VIRMA: variants seen among roughly 807,000 people sequenced by gnomAD.
The protein encoded by VIRMA is protein virilizer homolog.
Under a neutral mutation model 182.4 loss-of-function variants are expected in VIRMA, and 65 were observed. The observed-to-expected ratio is 0.36, with a 90% CI of 0.29 to 0.44. The LOEUF (loss-of-function observed/expected upper bound fraction) is 0.44, where lower values mean the gene tolerates loss of function less well. Among genes scored for constraint, VIRMA ranks in the 20% least tolerant of loss-of-function variants. The probability of loss-of-function intolerance (pLI) is 1.00; values close to 1 mark genes in which losing one functional copy is unlikely to be tolerated. For synonymous variants in VIRMA, 709 were observed against 743.1 expected, an observed-to-expected ratio of 0.95 and a Z score of 0.75; for missense variants, 1,752 against 2,158.1, an observed-to-expected ratio of 0.81 and a Z score of 3.73.
At chr8:94,506,038 CAA>C (rs1188142228) in intron 16 of VIRMA, among the ~76,000 whole-genome samples, 1 of 152,084 alleles carries the variant, frequency 6.6e-6, no homozygotes, top group Non-Finnish European at 1.5e-5. Flanking sequence ...TTCAAGTATA[CAA>C]GAGAAATACT....
chr8:94,506,467 T>C, intron 16 of VIRMA, 33 bp downstream of exon 16: 1 of 1,383,868 alleles, frequency 7.2e-7, no homozygotes, highest in Non-Finnish European at 1.0e-6. Flanking sequence ...AAAAATTAAA[T>C]CTGAGAGTAT....
chr8:94,526,917 C>T lies in VIRMA; in HGVS notation c.1327G>A (p.Val443Ile). ...DWTMQALNLQ[V>I]ALRQPIALNV... is the part of the protein sequence containing the mutation. ...AAGGCGATAGGTTGGCGAAGCGCTA[C>T]TTGTAAATTTAAAGCTTGCATGGTC... The change falls in exon 8 of 24, where the codon GTA (valine) becomes ATA (isoleucine). Residue 443 changes from valine (V) to isoleucine (I), a missense_variant. Around this residue, in one of 11 missense-constraint regions of VIRMA, gnomAD observed 401 missense variants for 455.1 expected, o/e 0.88. Coordinates refer to ENST00000297591, the MANE Select transcript of VIRMA (RefSeq NM_015496.5). 6.2e-7 allele frequency: 1 copy of T among 1,614,198 alleles called. No individual in the cohort carries two copies. Among genetic ancestry groups the T allele is most frequent in the Non-Finnish European group, 8.5e-7 (1 of 1,180,016 alleles).
At chr8:94,550,583 C>T (rs945234418) in intron 1 of VIRMA, among the ~76,000 whole-genome samples, 2 of 152,172 alleles carry the variant, frequency 1.3e-5, no homozygotes. Context: ...TGAGCCACGG[C>T]GCCTGGCCTT....
chr8:94,552,632 T>C (rs1225212976), intron 1 of VIRMA, among the ~76,000 whole-genome samples: 2 of 152,142 alleles, frequency 1.3e-5, no homozygotes, highest in Admixed American at 1.3e-4. Context: ...CTTTCAGGAA[T>C]CTTTAGTTAA....
chr8:94,537,267 A>T (rs1247695710), intron 3 of VIRMA, 116 bp from the exon 4 acceptor site: 2 of 740,572 alleles, frequency 2.7e-6, no homozygotes, highest in Non-Finnish European at 2.3e-6. Context: ...TTTTGTTTTG[A>T]TTCAATAAAC....
At chr8:94,537,025 A>G (rs1815369078) in intron 4 of VIRMA, 78 bp downstream of exon 4, 2 of 955,546 alleles carry the variant, frequency 2.1e-6, no homozygotes, top group East Asian at 4.8e-5. Context: ...TGCAACACTG[A>G]TTTATGTGGA....
Position 94,492,713 on chromosome 8 carries a change from T to C in VIRMA, c.4747A>G (p.Thr1583Ala), listed in dbSNP as rs761638484. Residue 1583 changes from threonine to alanine, a missense_variant, in exon 21 of 24, where the codon ACC becomes GCC. This residue lies in a region of VIRMA where 777 missense variants were observed against 920.6 expected (regional missense o/e 0.84). Transcript: ENST00000297591. ...AGTTTGAATCCTTTAGTAGTCTTGG[T>C]TCTTCCTGGAGATGATGGTTCTGAC... ...FLSEPSSPGR[T>A]KTTKGFKLGK... 6.2e-7 allele frequency: 1 copy of C among 1,614,068 alleles called. No individual in the cohort carries two copies. The highest frequency in any genetic ancestry group is 1.1e-5 in the South Asian group (1 of 91,072).
At chr8:94,530,505 A>C (rs1261234602) in intron 6 of VIRMA, among the ~76,000 whole-genome samples, 1 of 151,922 alleles carries the variant, frequency 6.6e-6, no homozygotes, top group East Asian at 1.9e-4. Flanking sequence ...TCAAAAAAAA[A>C]AAAAAGAAAA....
At chr8:94,492,248 C>T (rs1813625295) in intron 21 of VIRMA, among the ~76,000 whole-genome samples, 1 of 150,742 alleles carries the variant, frequency 6.6e-6, no homozygotes, top group South Asian at 2.1e-4. Flanking sequence ...GATTCGAATG[C>T]TATGTTAATT....
intron 14 of VIRMA, 53 bp from the exon 15 acceptor site, chr8:94,509,993 G>C: frequency 6.8e-7 from 1 of 1,470,856 alleles, no homozygotes; most frequent in African/African-American, 1.4e-5. Context: ...TTAAGGCATT[G>C]TTTAACTAGT....
chr8:94,537,618 A>G (rs1302895948), intron 3 of VIRMA, among the ~76,000 whole-genome samples: 1 of 152,148 alleles, frequency 6.6e-6, no homozygotes, highest in East Asian at 1.9e-4. Context: ...TAAATAAGAG[A>G]GGGGTCAATA....
chr8:94,514,091 A>T (rs554675611), intron 11 of VIRMA, among the ~76,000 whole-genome samples: 8 of 151,746 alleles, frequency 5.3e-5, no homozygotes, highest in Non-Finnish European at 8.8e-5. Flanking sequence ...TCTCTCTCTC[A>T]CACACACACA....
In VIRMA at chr8:94,538,248, G is replaced by C. The variant is rs1181506904; in HGVS notation, c.266+12C>G. On this transcript the variant is annotated intron_variant, in intron 3 of 23. Coordinates refer to ENST00000297591, the MANE Select transcript of VIRMA (RefSeq NM_015496.5). ...CATGAGTTTCTGGTGAAATTACCTA[G>C]CAGGTACATACCTTCCCAACCTATC... is the stretch of plus-strand genomic sequence containing the variant. The C allele has an allele frequency of 6.4e-7, 1 of 1,567,806 alleles. No homozygotes were observed. The highest frequency in any genetic ancestry group is 1.4e-5 in the African/African-American group (1 of 73,898).
At chr8:94,494,824 A>C (rs1368659572) in intron 20 of VIRMA, 36 bp downstream of exon 20, 1 of 1,183,990 alleles carries the variant, frequency 8.4e-7, no homozygotes, top group Admixed American at 2.1e-5. Context: ...AGAAAAAACA[A>C]TAACGTTTTT....
intron 10 of VIRMA, among the ~76,000 whole-genome samples, chr8:94,516,992 T>C (rs1277045476): frequency 2.6e-5 from 4 of 152,212 alleles, no homozygotes; most frequent in Non-Finnish European, 4.4e-5. Flanking sequence ...ATATTAAACT[T>C]GTCAAGGCTG....
chr8:94,495,673 A>C, intron 19 of VIRMA, 58 bp downstream of exon 19: 1 of 1,497,596 alleles, frequency 6.7e-7, no homozygotes, highest in East Asian at 2.3e-5. Flanking sequence ...GGCACCCCCT[A>C]GACTACAGCC....
rs377290884 is a variant in VIRMA at position 94,489,935 on chromosome 8, A to G, written c.5284+4T>C. 13 of 1,612,268 alleles carry G rather than the reference A, an allele frequency of 8.1e-6. No individual in the cohort carries two copies. The East Asian group carries it at 1.3e-4, about 17-fold the overall frequency. ...CAGCAATATCAAGTAGCAAGGATGTATACCTGTAGAACTAAGGGGTCGTAA... is the reference window on the plus strand; with the variant it reads ...CAGCAATATCAAGTAGCAAGGATGTGTACCTGTAGAACTAAGGGGTCGTAA... On this transcript the variant is annotated splice_donor_region_variant and intron_variant, in intron 23 of 23. Transcript: ENST00000297591.
At chr8:94,535,065 GT>G in intron 4 of VIRMA, 58 bp from the exon 5 acceptor site, 1 of 1,525,990 alleles carries the variant, frequency 6.6e-7, no homozygotes, top group Non-Finnish European at 8.8e-7. Flanking sequence ...AATGCTAGAA[GT>G]TAGCTGATAC....
At chr8:94,489,828 A>C in intron 23 of VIRMA, 111 bp downstream of exon 23, 1 of 1,175,098 alleles carries the variant, frequency 8.5e-7, no homozygotes. Context: ...GTGTGGAGCA[A>C]GGAGATGGGG....
Sources: gnomAD v4.1 joint callset for allele counts (sites outside exome capture counted in the v4.1 genomes callset) on GRCh38, gnomAD v4.1.1 for gene constraint, gnomAD v4.1.1 regional missense constraint, MANE v1.5 for transcripts, NCBI Gene and HGNC (gene_info 2026-07-23, HGNC 2026-07-21) for gene names.